Variants in AP1M2 observed in about 807,000 individuals in gnomAD.
AP1M2 encodes adaptor related protein complex 1 subunit mu 2.
AP1M2 carries 41 observed loss-of-function variants against 54.6 expected under a neutral mutation model. That is an observed-to-expected ratio of 0.75 (90% confidence interval 0.59 to 0.97). The LOEUF is 0.97. Among genes scored for constraint, AP1M2 ranks in the 50% least tolerant of loss-of-function variants. The pLI is 0.00. For missense variants in AP1M2, 507 were observed against 561.2 expected (o/e 0.90, Z 0.98); for synonymous variants, 219 against 215.9 (o/e 1.01, Z -0.13).
At chr19:10,586,318 G>A (rs1014234272) in intron 1 of AP1M2, among the ~76,000 whole-genome samples, 1 of 150,988 alleles carries the variant, frequency 6.6e-6, no homozygotes, top group African/African-American at 2.4e-5. Flanking sequence ...AGCCAGGCAT[G>A]GTGGCATGCA....
At chr19:10,580,044 GTTTTTTTTTTTTT>G (rs59349358) in intron 6 of AP1M2, among the ~76,000 whole-genome samples, 186 bp from the exon 7 acceptor site, 1 of 71,192 alleles carries the variant, frequency 1.4e-5, no homozygotes, top group Non-Finnish European at 2.6e-5. Flanking sequence ...ATCTGGCTTG[GTTTTTTTTTTTTT>G]TTTTTTTTTT....
Position 10,581,756 on chromosome 19 carries a change from G to C in AP1M2, c.390C>G (p.Ile130Met). 6.2e-7 allele frequency: 1 copy of C among 1,613,676 alleles called. No homozygotes were observed. Among genetic ancestry groups the C allele is most frequent in the Non-Finnish European group, 8.5e-7 (1 of 1,179,898 alleles). The change falls in exon 4 of 12, where the codon ATC (isoleucine) becomes ATG (methionine). Residue 130 changes from isoleucine (I) to methionine (M), a missense_variant. Physicochemically the swap from Ile to Met is conservative, Grantham distance 10. Coordinates refer to ENST00000250244, the MANE Select transcript of AP1M2 (RefSeq NM_005498.5). ...TCCAGGGGTCCACTCACTCCTGCAGGATCTTGCTGTCGGTGGTCTGCGGGA... is the reference window on the plus strand; with the variant it reads ...TCCAGGGGTCCACTCACTCCTGCAGCATCTTGCTGTCGGTGGTCTGCGGGA... ...FGFPQTTDSK[I>M]LQEYITQQSN...
chr19:10,583,500 G>T, intron 3 of AP1M2, 106 bp downstream of exon 3: 1 of 844,330 alleles, frequency 1.2e-6, no homozygotes, highest in Non-Finnish European at 1.9e-6. Flanking sequence ...AAGACCCAGG[G>T]AGATCTGGGA....
chr19:10,585,291 GA>G (rs1458655456), intron 1 of AP1M2, among the ~76,000 whole-genome samples: 2 of 81,932 alleles, frequency 2.4e-5, no homozygotes, highest in African/African-American at 5.4e-5. Context: ...AAAAAAGAAA[GA>G]AAGAAAGAAA....
chr19:10,579,135 G>C (rs1005117895), intron 7 of AP1M2, among the ~76,000 whole-genome samples, 172 bp from the exon 8 acceptor site: 4 of 150,916 alleles, frequency 2.7e-5, no homozygotes, highest in Admixed American at 6.6e-5. Flanking sequence ...AGCAATTCTC[G>C]GCCGGGAGCG....
At chr19:10,583,220 T>C (rs956452255) in intron 3 of AP1M2, among the ~76,000 whole-genome samples, 5 of 152,166 alleles carry the variant, frequency 3.3e-5, no homozygotes, top group African/African-American at 1.2e-4. Flanking sequence ...TGCCAAGTCC[T>C]TGGGCTTAGC....
chr19:10,579,762 G>T lies in AP1M2; in HGVS notation c.770C>A (p.Pro257Gln). Reference sequence around the variant, plus strand: ...CATGAGCTCAAAGTCACCATCAGGCGGGATGAAGGAGATGGTGCGGTCGTT... The same window carrying T: ...CATGAGCTCAAAGTCACCATCAGGCTGGATGAAGGAGATGGTGCGGTCGTT... ...FDNDRTISFI[P>Q]PDGDFELMSY... The change falls in exon 7 of 12, where the codon CCG becomes CAG. Residue 257 changes from proline to glutamine, a missense_variant. By Grantham distance (76) the Pro-to-Gln change is moderately conservative (BLOSUM62 -1). Transcript: ENST00000250244. 1 of 1,613,928 alleles carries T rather than the reference G, an allele frequency of 6.2e-7. No individual in the cohort carries two copies. The highest frequency in any genetic ancestry group is 8.5e-7 in the Non-Finnish European group (1 of 1,179,912).
At chr19:10,578,426 G>A (rs1917319529) in intron 8 of AP1M2, among the ~76,000 whole-genome samples, 1 of 152,048 alleles carries the variant, frequency 6.6e-6, no homozygotes, top group African/African-American at 2.4e-5. Flanking sequence ...AGGTTGCGGT[G>A]AGCTGAGATC....
intron 11 of AP1M2, 67 bp from the exon 12 acceptor site, chr19:10,573,155 A>T: frequency 6.9e-7 from 1 of 1,443,636 alleles, no homozygotes; most frequent in South Asian, 1.2e-5. Context: ...ACGGTGACTC[A>T]CGCTTATAAT....
chr19:10,586,553 C>G (rs781368170), intron 1 of AP1M2, among the ~76,000 whole-genome samples: 1 of 150,788 alleles, frequency 6.6e-6, no homozygotes, highest in Non-Finnish European at 1.5e-5. Context: ...GGCAACATAG[C>G]GGGATCCCTC....
At chr19:10,581,199 C>G in intron 6 of AP1M2, 67 bp downstream of exon 6, 1 of 1,542,212 alleles carries the variant, frequency 6.5e-7, no homozygotes, top group South Asian at 1.2e-5. Flanking sequence ...TCTCTTAAGT[C>G]CCCACGTGGG....
chr19:10,581,238 T>G (rs772903523), intron 6 of AP1M2, 28 bp downstream of exon 6: 1 of 1,593,000 alleles, frequency 6.3e-7, no homozygotes, highest in South Asian at 1.1e-5. Flanking sequence ...TGTGCATTTC[T>G]CAGAAGAAAG....
In AP1M2 at chr19:10,572,797, G is replaced by A. The variant is rs1416170262; in HGVS notation, c.*269C>T. On this transcript the variant is annotated 3_prime_UTR_variant, in exon 12 of 12. Transcript: ENST00000250244. ...CAGGTAATTGCAAGAAGGCACTCGC[G>A]AGGAGGACTTCAAGCCCCTCTTCTA... 2 of 396,604 alleles carry A rather than the reference G, an allele frequency of 5.0e-6. No homozygotes were observed. The highest frequency in any genetic ancestry group is 4.1e-5 in the East Asian group (1 of 24,600). 24.6% of individuals were successfully genotyped at this position (396,604 alleles called of 1,614,324 possible).
Position 10,584,018 on chromosome 19 carries a change from T to G in AP1M2, c.95A>C (p.His32Pro). 6.2e-7 allele frequency: 1 copy of G among 1,610,366 alleles called. No individual in the cohort carries two copies. Among genetic ancestry groups the G allele is most frequent in the Non-Finnish European group, 8.5e-7 (1 of 1,178,494 alleles). Reference sequence around the variant, plus strand: ...CCGCTGTACCAGCAAAGGCATGAAGTGCTCAATCTTGCTCATGGCCACATC... The same window carrying G: ...CCGCTGTACCAGCAAAGGCATGAAGGGCTCAATCTTGCTCATGGCCACATC... Reference protein sequence around the residue: ...KGDVAMSKIEHFMPLLVQREE... With the variant: ...KGDVAMSKIEPFMPLLVQREE... The change falls in exon 2 of 12, where the codon CAC becomes CCC. Residue 32 changes from histidine (H) to proline (P), a missense_variant. His to Pro is a moderately conservative substitution (Grantham distance 77). Transcript: ENST00000250244.
In AP1M2 at chr19:10,581,634, C is replaced by T; in HGVS notation, c.399G>A (p.Glu133=). The part of the protein sequence containing the change: ...PQTTDSKILQ[E]YITQQSNKLE... ...GCTTGTTGCTCTGCTGAGTGATGTA[C>T]CTGGAGGGAGGGCGGCAGGGACAAG... Residue 133 remains glutamate (E), a splice_region_variant and synonymous_variant, in exon 5 of 12, where the codon GAG becomes GAA. Transcript: ENST00000250244. 6.2e-7 allele frequency: 1 copy of T among 1,613,796 alleles called. No homozygotes were observed. The highest frequency in any genetic ancestry group is 8.5e-7 in the Non-Finnish European group (1 of 1,179,884).
intron 5 of AP1M2, 47 bp from the exon 6 acceptor site, chr19:10,581,439 C>T: frequency 6.2e-7 from 1 of 1,610,762 alleles, no homozygotes; most frequent in African/African-American, 1.3e-5. Flanking sequence ...AACTCCGTCT[C>T]CTGCAGCCAG....
intron 7 of AP1M2, among the ~76,000 whole-genome samples, chr19:10,579,423 T>A (rs972512897): frequency 6.6e-6 from 1 of 151,836 alleles, no homozygotes; most frequent in South Asian, 2.1e-4. Context: ...CTCAAAAAAA[T>A]AATAATAATA....
At chr19:10,578,437 A>G (rs111944534) in intron 8 of AP1M2, among the ~76,000 whole-genome samples, 37,603 of 151,946 alleles carry the variant, frequency 0.25, 5,422 homozygotes, top group East Asian at 0.62. Context: ...AGCTGAGATC[A>G]CACCACTGCA....
intron 3 of AP1M2, 141 bp downstream of exon 3, chr19:10,583,465 T>C: frequency 1.6e-6 from 1 of 612,966 alleles, no homozygotes. Flanking sequence ...CAAGACCCCA[T>C]CTCTACCAGA....
Sources: gnomAD v4.1 joint callset for allele counts (sites outside exome capture counted in the v4.1 genomes callset) on GRCh38, gnomAD v4.1.1 for gene constraint, MANE v1.5 for transcripts, NCBI Gene and HGNC (gene_info 2026-07-23, HGNC 2026-07-21) for gene names.